The following MMP17 variants were observed in gnomAD, a reference collection of about 807,000 sequenced individuals.
MMP17 encodes the protein matrix metalloproteinase-17.
A neutral mutation model predicts 49.1 loss-of-function variants in MMP17; 54 were observed. The observed-to-expected ratio is 1.10, with a 90% CI of 0.88 to 1.38. The LOEUF is 1.38. Ranked by LOEUF, MMP17 falls within the 40% of genes most tolerant of loss-of-function variation. The pLI, the probability that MMP17 is intolerant of heterozygous loss-of-function variation, is 0.00. For synonymous variants in MMP17, 397 were observed against 383.1 expected (o/e 1.04, Z -0.42); for missense variants, 837 against 853.7 (o/e 0.98, Z 0.24).
At chr12:131,844,714 C>A in intron 6 of MMP17, 1 of 256,338 alleles carries the variant, frequency 3.9e-6, no homozygotes, top group Non-Finnish European at 7.7e-6. Flanking sequence ...TGCACCTTGT[C>A]CCTGACCTTC....
At position 131,849,910 on chromosome 12, in the gene MMP17, C is replaced by A; in HGVS notation, c.1313C>A (p.Ala438Asp). 6.2e-7 allele frequency: 1 copy of A among 1,614,054 alleles called. No homozygotes were observed. Among genetic ancestry groups the A allele is most frequent in the East Asian group, 2.2e-5 (1 of 44,884 alleles). Residue 438 changes from alanine (A) to aspartate (D), a missense_variant, in exon 9 of 10, where the codon GCC becomes GAC. By Grantham distance (126) the Ala-to-Asp change is moderately radical. Transcript: ENST00000360564. ...GGCATCGACGCTGCCTTCTCCTGGG[C>A]CCACAATGACAGGACTTATTTCTTT... is the stretch of plus-strand genomic sequence containing the variant. ...PGGIDAAFSW[A>D]HNDRTYFFKD...
intron 8 of MMP17, among the ~76,000 whole-genome samples, chr12:131,847,653 G>C (rs1887779688): frequency 6.6e-6 from 1 of 152,202 alleles, no homozygotes; most frequent in Non-Finnish European, 1.5e-5. Flanking sequence ...ATCTCCTCCA[G>C]ATCAGGTTCT....
rs1320629494 is a variant in MMP17, at chr12:131,840,639, C to T, written c.489C>T (p.Ala163=). 1.2e-6 allele frequency: 2 copies of T among 1,609,418 alleles called. No homozygotes were observed. Among genetic ancestry groups the T allele is most frequent in the Non-Finnish European group, 1.7e-6 (2 of 1,179,948 alleles). The stretch of plus-strand genomic sequence containing the variant: ...CGGTGCGTGCACTCATGTACTACGC[C>T]CTCAAGGTCTGGAGCGACATTGCGC... ...HDTVRALMYY[A]LKVWSDIAPL... Residue 163 remains alanine, a synonymous_variant, in exon 4 of 10, where the codon GCC becomes GCT. Transcript: ENST00000360564.
In MMP17 at chr12:131,845,463, C is replaced by A; in HGVS notation, c.1204+14C>A. 6.5e-7 allele frequency: 1 copy of A among 1,547,114 alleles called. No individual in the cohort carries two copies. The highest frequency in any genetic ancestry group is 8.7e-7 in the Non-Finnish European group (1 of 1,149,200). On this transcript the variant is annotated intron_variant, in intron 8 of 9. Transcript: ENST00000360564. Reference sequence around the variant, plus strand: ...TCTTCTTTAAAGGTGGGTGGGCCTCCCCGTCGCACTCCGGGCTTCCCGGGC... The same window carrying A: ...TCTTCTTTAAAGGTGGGTGGGCCTCACCGTCGCACTCCGGGCTTCCCGGGC...
chr12:131,845,260 C>T (rs183436532), intron 7 of MMP17, 37 bp from the exon 8 acceptor site: 96 of 1,613,640 alleles, frequency 5.9e-5, no homozygotes, highest in African/African-American at 3.1e-4. Flanking sequence ...GGGTGCAGAC[C>T]GTCTCTGCAG....
chr12:131,849,376 C>T (rs992071506), intron 8 of MMP17, among the ~76,000 whole-genome samples: 11 of 152,072 alleles, frequency 7.2e-5, no homozygotes, highest in Admixed American at 2.6e-4. Flanking sequence ...CCCAGCTACG[C>T]GGGAGGCTGA....
Position 131,846,895 on chromosome 12 carries a change from G to A in MMP17, c.1204+1446G>A, listed in dbSNP as rs1006984347. Among the ~76,000 whole-genome samples the A allele has an allele frequency of 2.0e-5, 3 of 152,054 alleles. No individual in the cohort carries two copies. The highest frequency in any genetic ancestry group is 2.9e-5 in the Non-Finnish European group (2 of 68,014). On this transcript the variant is annotated intron_variant, in intron 8 of 9. Transcript: ENST00000360564. This position sits in a 1 kb window ranked among gnomAD's most constrained non-coding sequence, Gnocchi z 4.6. ...GGGAACCACTTCCTGTAACTCCATC[G>A]CCTGCCCGGCCCTCAGCATTTGACT...
chr12:131,835,829 C>T (rs1887057144), intron 1 of MMP17, among the ~76,000 whole-genome samples: 1 of 152,202 alleles, frequency 6.6e-6, no homozygotes. Context: ...GAGCTGTGAT[C>T]TTAACAAAGG....
In MMP17 at chr12:131,851,074, G is replaced by A. The variant is rs150188670; in HGVS notation, c.1612G>A (p.Ala538Thr). 189 of 1,606,452 alleles carry A rather than the reference G, an allele frequency of 1.2e-4. No individual in the cohort carries two copies. In the Middle Eastern group the frequency reaches 1.5e-3, roughly 13 times the overall value. Residue 538 changes from alanine to threonine, a missense_variant, in exon 10 of 10, where the codon GCG becomes ACG. Ala to Thr is a moderately conservative substitution (Grantham distance 58). Coordinates refer to ENST00000360564, the MANE Select transcript of MMP17 (RefSeq NM_016155.7). ...TGGATCTGTGGCTGCGGGCGTGGAC[G>A]CGGCAGAGGGGCCCCGCGCCCCTCC... ...ADGSVAAGVDAAEGPRAPPGQ... is the reference protein window; with the variant it reads ...ADGSVAAGVDTAEGPRAPPGQ...
At position 131,837,451 on chromosome 12, in the gene MMP17, A is replaced by G. The variant is rs532442981; in HGVS notation, c.160-744A>G. 1.6e-3 allele frequency among the ~76,000 whole-genome samples: 236 copies of G among 152,122 alleles called. 1 individual carries two copies. Among genetic ancestry groups the G allele is most frequent in the Non-Finnish European group, 1.9e-3 (131 of 67,968 alleles). On this transcript the variant is annotated intron_variant, in intron 1 of 9. Transcript: ENST00000360564. ...GCCTGGGCTCTTATCTCCCCCATGA[A>G]TGTACAGCATGGCCCAATTCCTTAA...
intron 1 of MMP17, among the ~76,000 whole-genome samples, chr12:131,829,333 C>G (rs1886676626): frequency 6.6e-6 from 1 of 152,224 alleles, no homozygotes; most frequent in South Asian, 2.1e-4. Context: ...CCCAGCTCAG[C>G]TTAGAAACCC....
chr12:131,841,233 T>A (rs1427482574), intron 4 of MMP17, among the ~76,000 whole-genome samples: 2 of 152,224 alleles, frequency 1.3e-5, no homozygotes, highest in African/African-American at 4.8e-5. Flanking sequence ...ACTGTAGCCT[T>A]GGGAACCATG....
At chr12:131,832,960 T>C (rs1272654435) in intron 1 of MMP17, among the ~76,000 whole-genome samples, 1 of 152,044 alleles carries the variant, frequency 6.6e-6, no homozygotes, top group Non-Finnish European at 1.5e-5. Flanking sequence ...CCCAGGATGT[T>C]CCCTGAGCAC....
intron 8 of MMP17, among the ~76,000 whole-genome samples, chr12:131,848,368 G>A (rs958363220): frequency 6.6e-6 from 1 of 152,234 alleles, no homozygotes; most frequent in African/African-American, 2.4e-5. Flanking sequence ...TTACAGGCAT[G>A]AGCCACCACT....
chr12:131,838,584 G>A (rs1887206566), intron 2 of MMP17, 28 bp from the exon 3 acceptor site: 1 of 1,599,518 alleles, frequency 6.3e-7, no homozygotes, highest in Admixed American at 1.7e-5. Flanking sequence ...AGCTGGGCTA[G>A]GCTCTGAGCT....
chr12:131,847,283 G>T (rs1412051149), intron 8 of MMP17, among the ~76,000 whole-genome samples: 1 of 151,428 alleles, frequency 6.6e-6, no homozygotes, highest in Non-Finnish European at 1.5e-5. Flanking sequence ...CGTGGTGGCG[G>T]GCACCTGTTG....
rs1215982594 is a variant in MMP17 at position 131,851,368 on chromosome 12, C to G, written c.*94C>G. 22 of 1,175,608 alleles carry G rather than the reference C, an allele frequency of 1.9e-5. No homozygotes were observed. Among genetic ancestry groups the G allele is most frequent in the Non-Finnish European group, 2.4e-5 (22 of 914,040 alleles). The allele number at this position is 1,175,608 out of a possible 1,614,324, so 72.8% of individuals were successfully genotyped here. ...CCGGAGTCCCTGGGGGAGGTGCTGGCGCGGGATGAGGACGGGCCACCCTGG... is the reference window on the plus strand; with the variant it reads ...CCGGAGTCCCTGGGGGAGGTGCTGGGGCGGGATGAGGACGGGCCACCCTGG... On this transcript the variant is annotated 3_prime_UTR_variant, in exon 10 of 10. Coordinates refer to ENST00000360564, the MANE Select transcript of MMP17 (RefSeq NM_016155.7).
rs1456996352 is a variant in MMP17 at position 131,838,268 on chromosome 12, T to C, written c.233T>C (p.Leu78Pro). 3 of 1,613,096 alleles carry C rather than the reference T, an allele frequency of 1.9e-6. No homozygotes were observed. In the Admixed American group the frequency reaches 5.0e-5, roughly 27 times the overall value. The change falls in exon 2 of 10, where the codon CTG (leucine) becomes CCG (proline). Residue 78 changes from leucine to proline, a missense_variant. Transcript: ENST00000360564. ...GGGCAGCTGCAGACGCAAGAGGAGC[T>C]GTCTAAGGCCATCACAGCCATGCAG... Reference protein sequence around the residue: ...TTGQLQTQEELSKAITAMQQF... With the variant: ...TTGQLQTQEEPSKAITAMQQF...
Position 131,838,200 on chromosome 12 carries a change from G to T in MMP17, c.165G>T (p.Trp55Cys). ...RAEDLSLGVE[W>C]LSRFGYLPPA... Reference sequence around the variant, plus strand: ...ACCCTGCTCTCTGCCCTCAGGAGTGGCTAAGCAGGTTCGGTTACCTGCCCC... The same window carrying T: ...ACCCTGCTCTCTGCCCTCAGGAGTGTCTAAGCAGGTTCGGTTACCTGCCCC... Residue 55 changes from tryptophan to cysteine, a missense_variant, in exon 2 of 10, where the codon TGG becomes TGT. By Grantham distance (215) the Trp-to-Cys change is radical. Coordinates refer to ENST00000360564, the MANE Select transcript of MMP17 (RefSeq NM_016155.7). 1.9e-6 allele frequency: 3 copies of T among 1,612,568 alleles called. No individual in the cohort carries two copies. The highest frequency in any genetic ancestry group is 2.5e-6 in the Non-Finnish European group (3 of 1,179,532).
Sources: gnomAD v4.1 joint callset for allele counts (sites outside exome capture counted in the v4.1 genomes callset) on GRCh38, gnomAD v4.1.1 for gene constraint, Gnocchi (gnomAD v3.1) non-coding constraint, MANE v1.5 for transcripts, NCBI Gene and HGNC (gene_info 2026-07-23, HGNC 2026-07-21) for gene names.